The following CPA6 variants were observed in gnomAD, a reference collection of about 807,000 sequenced individuals.
The protein encoded by CPA6 is carboxypeptidase A6, also known as carboxypeptidase B.
In CPA6, 58 loss-of-function variants were observed where a neutral mutation model predicts 63.3. That is an observed-to-expected ratio of 0.92 (90% CI 0.74 to 1.14). The LOEUF (loss-of-function observed/expected upper bound fraction) is 1.14. Ranked by LOEUF, CPA6 falls within the 50% of genes most tolerant of loss-of-function variation. The pLI, the probability that CPA6 is intolerant of heterozygous loss-of-function variation, is 0.00. For synonymous variants in CPA6, 185 were observed against 179.0 expected (o/e 1.03, Z -0.27); for missense variants, 565 against 526.6 (o/e 1.07, Z -0.71).
At chr8:67,663,322 A>G (rs1349018952) in intron 1 of CPA6, among the ~76,000 whole-genome samples, 1 of 152,122 alleles carries the variant, frequency 6.6e-6, no homozygotes, top group Non-Finnish European at 1.5e-5. Flanking sequence ...GAATCACCCA[A>G]CTAGACTCTT....
At chr8:67,730,898 A>G (rs1000750678) in intron 1 of CPA6, among the ~76,000 whole-genome samples, 34 of 152,220 alleles carry the variant, frequency 2.2e-4, no homozygotes, top group Admixed American at 1.2e-3. Flanking sequence ...TATAATAACT[A>G]TAAGTTATAC....
chr8:67,631,017 T>G (rs1469912125), intron 1 of CPA6, among the ~76,000 whole-genome samples: 1 of 152,316 alleles, frequency 6.6e-6, no homozygotes, highest in African/African-American at 2.4e-5. Context: ...CCCCTACTCC[T>G]GCGTGGCCCA....
At chr8:67,486,749 T>C (rs1250554622) in intron 6 of CPA6, among the ~76,000 whole-genome samples, 2 of 152,182 alleles carry the variant, frequency 1.3e-5, no homozygotes, top group Non-Finnish European at 2.9e-5. Flanking sequence ...AGCTCTGAGA[T>C]CATTTAGGCC....
intron 1 of CPA6, among the ~76,000 whole-genome samples, chr8:67,709,713 TA>T (rs1001220604): frequency 1.3e-5 from 2 of 152,184 alleles, no homozygotes; most frequent in African/African-American, 4.8e-5. Flanking sequence ...GAATTGCAAG[TA>T]AAAATCATAA....
chr8:67,573,283 C>A (rs965752675), intron 2 of CPA6, among the ~76,000 whole-genome samples: 21 of 152,044 alleles, frequency 1.4e-4, no homozygotes, highest in African/African-American at 5.1e-4. Context: ...AGCACTTGGT[C>A]AAGAGAAAGA....
At chr8:67,539,225 G>A (rs185623653) in intron 2 of CPA6, among the ~76,000 whole-genome samples, 4 of 152,262 alleles carry the variant, frequency 2.6e-5, no homozygotes, top group Non-Finnish European at 4.4e-5. Context: ...TTACTTGTCT[G>A]TAAAGGATTT....
chr8:67,522,307 C>A (rs770743980), intron 2 of CPA6, among the ~76,000 whole-genome samples: 17 of 152,138 alleles, frequency 1.1e-4, no homozygotes, highest in Non-Finnish European at 2.2e-4. Context: ...ACTTCAGGTC[C>A]CCTCTGGTGT....
chr8:67,499,791 T>C (rs13279153), intron 6 of CPA6, among the ~76,000 whole-genome samples: 1 of 152,242 alleles, frequency 6.6e-6, no homozygotes, highest in South Asian at 2.1e-4. Context: ...CATAATTCTC[T>C]GGAGATTCAT....
intron 1 of CPA6, among the ~76,000 whole-genome samples, chr8:67,684,616 G>T (rs1214351414): frequency 6.6e-6 from 1 of 152,124 alleles, no homozygotes; most frequent in East Asian, 1.9e-4. Context: ...GGAAATCTGG[G>T]CTTCCGTACA....
chr8:67,678,631 G>T (rs2128995555), intron 1 of CPA6, among the ~76,000 whole-genome samples: 1 of 152,320 alleles, frequency 6.6e-6, no homozygotes, highest in South Asian at 2.1e-4. Context: ...CCATGAATTA[G>T]TTAAGTTGTT....
intron 8 of CPA6, among the ~76,000 whole-genome samples, chr8:67,467,675 A>G (rs570358680): frequency 6.6e-6 from 1 of 152,044 alleles, no homozygotes; most frequent in South Asian, 2.1e-4. Context: ...CACTGTTGAT[A>G]CTCAAGGATC....
chr8:67,674,741 A>ATTTACAATG (rs1816431144), intron 1 of CPA6, among the ~76,000 whole-genome samples: 1 of 152,202 alleles, frequency 6.6e-6, no homozygotes, highest in Non-Finnish European at 1.5e-5. Context: ...TCGCAATGCA[A>ATTTACAATG]TTTACAATGG....
At chr8:67,511,760 T>G in intron 3 of CPA6, 105 bp from the exon 4 acceptor site, 1 of 683,946 alleles carries the variant, frequency 1.5e-6, no homozygotes, top group East Asian at 2.5e-5. Context: ...AAGACTGTGG[T>G]GATCAATATT....
chr8:67,525,896 A>C lies in CPA6; in HGVS notation c.193-7849T>G, dbSNP rs568653247. 2.6e-5 allele frequency among the ~76,000 whole-genome samples: 4 copies of C among 152,360 alleles called. No homozygotes were observed. In the East Asian group the frequency reaches 5.8e-4, roughly 22 times the overall value. On this transcript the variant is annotated intron_variant, in intron 2 of 10. Coordinates refer to ENST00000297770, the MANE Select transcript of CPA6 (RefSeq NM_020361.5). ...AAGCAGAGGGGTGGTGGGGTGAGGC[A>C]TGAGAAATTACTTAATGGGTACAAT... is the stretch of plus-strand genomic sequence containing the variant.
chr8:67,573,566 A>T (rs923934604), intron 2 of CPA6, among the ~76,000 whole-genome samples: 2 of 152,162 alleles, frequency 1.3e-5, no homozygotes, highest in Non-Finnish European at 2.9e-5. Flanking sequence ...TAACAAAGAA[A>T]GTGAAAGAAC....
intron 1 of CPA6, among the ~76,000 whole-genome samples, chr8:67,718,397 T>C (rs756459512): frequency 1.3e-5 from 2 of 152,222 alleles, no homozygotes; most frequent in Admixed American, 6.5e-5. Flanking sequence ...CAAAATATTA[T>C]GAAAATCTTT....
At chr8:67,661,452 T>C (rs547657674) in intron 1 of CPA6, among the ~76,000 whole-genome samples, 1 of 152,316 alleles carries the variant, frequency 6.6e-6, no homozygotes, top group African/African-American at 2.4e-5. Context: ...CAAAGGAACT[T>C]CAGGAAGGCT....
intron 1 of CPA6, among the ~76,000 whole-genome samples, chr8:67,657,326 A>G (rs923288504): frequency 2.3e-5 from 3 of 128,496 alleles, no homozygotes; most frequent in Admixed American, 7.7e-5. Flanking sequence ...TATCTCTGAA[A>G]AATAATCTGA....
intron 2 of CPA6, among the ~76,000 whole-genome samples, chr8:67,540,724 G>A (rs1818155): frequency 0.31 from 47,453 of 152,144 alleles, 7,748 homozygotes; most frequent in South Asian, 0.4. Context: ...ATCTAGAGAG[G>A]CAGTCTGGCT....
Sources: allele counts gnomAD v4.1 joint callset (sites outside exome capture counted in the v4.1 genomes callset), GRCh38; gene constraint gnomAD v4.1.1; transcripts MANE v1.5; gene names NCBI Gene and HGNC (gene_info 2026-07-23, HGNC 2026-07-21).